KCNQ5: variants seen among roughly 807,000 people sequenced by gnomAD.
KCNQ5 encodes potassium voltage-gated channel subfamily Q member 5.
In KCNQ5, 30 loss-of-function variants were observed where a neutral mutation model predicts 98.2. The ratio of observed to expected loss-of-function variants is 0.31; its 90% CI spans 0.23 to 0.41. The LOEUF (loss-of-function observed/expected upper bound fraction) is 0.41. Ranked by LOEUF, KCNQ5 falls within the 10% of genes least tolerant of loss-of-function variation. KCNQ5 has a pLI of 1.00. For synonymous variants in KCNQ5, 458 were observed against 449.4 expected (o/e 1.02, Z -0.24); for missense variants, 835 against 1,182.5 (o/e 0.71, Z 4.31).
chr6:73,105,910 G>A (rs1317604140), intron 6 of KCNQ5, among the ~76,000 whole-genome samples: 1 of 152,052 alleles, frequency 6.6e-6, no homozygotes, highest in Non-Finnish European at 1.5e-5. Flanking sequence ...CTGCCCCCAA[G>A]CTTCTGATTA....
chr6:72,832,383 A>G (rs1776315186), intron 1 of KCNQ5, among the ~76,000 whole-genome samples: 1 of 152,118 alleles, frequency 6.6e-6, no homozygotes, highest in South Asian at 2.1e-4. Flanking sequence ...GTAGTTCTCA[A>G]CTGAGGGCAA....
In KCNQ5 at chr6:73,104,040, A is replaced by T. The variant is rs191465293; in HGVS notation, c.919-1217A>T. The stretch of plus-strand genomic sequence containing the variant: ...TATTAATAAATTATTAGTTTGATTT[A>T]AAAAAAACAAGGATGCTCACTTTTG... On this transcript the variant is annotated intron_variant, in intron 5 of 13. Coordinates refer to ENST00000370398, the MANE Select transcript of KCNQ5 (RefSeq NM_019842.4). Among the ~76,000 whole-genome samples the T allele has an allele frequency of 6.1e-3, 930 of 151,932 alleles. 7 individuals carry two copies. The highest frequency in any genetic ancestry group is 0.021 in the African/African-American group (866 of 41,448).
At chr6:73,032,787 CA>C (rs1261138599) in intron 2 of KCNQ5, among the ~76,000 whole-genome samples, 1 of 151,836 alleles carries the variant, frequency 6.6e-6, no homozygotes, top group Non-Finnish European at 1.5e-5. Flanking sequence ...ATAGAAACCT[CA>C]AACCAATTAA....
chr6:72,818,210 G>A (rs990340782), intron 1 of KCNQ5, among the ~76,000 whole-genome samples: 9 of 152,052 alleles, frequency 5.9e-5, no homozygotes, highest in African/African-American at 2.2e-4. Flanking sequence ...GTGAAGAAAG[G>A]CTGATTAATA....
chr6:72,838,463 C>G (rs536693393), intron 1 of KCNQ5, among the ~76,000 whole-genome samples: 2 of 152,090 alleles, frequency 1.3e-5, no homozygotes, highest in Non-Finnish European at 2.9e-5. Flanking sequence ...AACAACACTG[C>G]TCTCAAATTA....
chr6:73,164,492 ATCCTCTG>A (rs1365448308), intron 10 of KCNQ5, among the ~76,000 whole-genome samples: 42 of 152,228 alleles, frequency 2.8e-4, no homozygotes, highest in African/African-American at 9.4e-4. Flanking sequence ...ACCGACTCTC[ATCCTCTG>A]TCCAGCCCTG....
intron 1 of KCNQ5, among the ~76,000 whole-genome samples, chr6:72,709,840 C>G (rs1769273495): frequency 6.6e-6 from 1 of 152,012 alleles, no homozygotes; most frequent in Admixed American, 6.6e-5. Context: ...TTGAGCGCTC[C>G]CTGTGTTATG....
chr6:72,654,606 T>A (rs1433854314), intron 1 of KCNQ5, among the ~76,000 whole-genome samples: 1 of 152,022 alleles, frequency 6.6e-6, no homozygotes, highest in African/African-American at 2.4e-5. Context: ...TGAAGACATA[T>A]CAAGAGAGTG....
In KCNQ5 at chr6:72,908,718, A is replaced by G. The variant is rs142072691; in HGVS notation, c.399-95190A>G. 6.9e-3 allele frequency among the ~76,000 whole-genome samples: 1,046 copies of G among 152,288 alleles called. 9 individuals carry two copies. Among genetic ancestry groups the G allele is most frequent in the African/African-American group, 0.022 (927 of 41,588 alleles). On this transcript the variant is annotated intron_variant, in intron 1 of 13. Coordinates refer to ENST00000370398, the MANE Select transcript of KCNQ5 (RefSeq NM_019842.4). ...AAGCCATAGTGAATTATTCAACACC[A>G]GGATATCAAAGAAATGGAGGAAGTA...
rs902995973 is a variant in KCNQ5 at position 73,198,631 on chromosome 6, C to T, written c.*3217C>T. 2 of 152,180 alleles carry T rather than the reference C, an allele frequency of 1.3e-5. No individual in the cohort carries two copies. Among genetic ancestry groups the T allele is most frequent in the Non-Finnish European group, 2.9e-5 (2 of 68,026 alleles). 9.4% of individuals were successfully genotyped at this position (152,180 alleles called of 1,614,324 possible). On this transcript the variant is annotated 3_prime_UTR_variant, in exon 14 of 14. Transcript: ENST00000370398. ...AGCTGAGATTTTTCGCCTTAAATGA[C>T]ATGGTTGTGTTTTTGTAAGAGAAAC...
intron 2 of KCNQ5, among the ~76,000 whole-genome samples, chr6:73,014,245 T>C (rs1241655926): frequency 6.6e-6 from 1 of 152,122 alleles, no homozygotes; most frequent in Non-Finnish European, 1.5e-5. Flanking sequence ...AATTTTAAAG[T>C]ATTTATTTTA....
intron 1 of KCNQ5, among the ~76,000 whole-genome samples, chr6:72,959,147 A>G (rs895284256): frequency 6.6e-6 from 1 of 152,228 alleles, no homozygotes; most frequent in Non-Finnish European, 1.5e-5. Context: ...GTTATGAGGC[A>G]GAATATGCAT....
At chr6:73,082,215 G>A (rs896495678) in intron 5 of KCNQ5, among the ~76,000 whole-genome samples, 6 of 152,168 alleles carry the variant, frequency 3.9e-5, no homozygotes, top group Non-Finnish European at 7.3e-5. Context: ...TTGTTACCCT[G>A]CAGCCTGAAA....
intron 3 of KCNQ5, among the ~76,000 whole-genome samples, chr6:73,046,606 TTATTC>T (rs1177947578): frequency 1.3e-4 from 18 of 140,042 alleles, no homozygotes; most frequent in African/African-American, 4.9e-4. Context: ...TTACTTTATT[TTATTC>T]TATTTTATTT....
At chr6:72,738,387 A>G (rs1486025508) in intron 1 of KCNQ5, among the ~76,000 whole-genome samples, 1 of 152,046 alleles carries the variant, frequency 6.6e-6, no homozygotes, top group Non-Finnish European at 1.5e-5. Flanking sequence ...GTAAAAAAAA[A>G]TTATTCTCTA....
At chr6:72,698,136 G>A (rs1768598127) in intron 1 of KCNQ5, among the ~76,000 whole-genome samples, 1 of 152,094 alleles carries the variant, frequency 6.6e-6, no homozygotes, top group Admixed American at 6.5e-5. Flanking sequence ...AGTAGCTTCA[G>A]AATAAAGTTA....
At position 73,053,808 on chromosome 6, in the gene KCNQ5, G is replaced by A. The variant is rs187980232; in HGVS notation, c.616+11746G>A. ...TAGAGGAAATAGAGAAACAAGAGCA[G>A]ATCGACCCCAAAGCTAGTAGAACAC... is the stretch of plus-strand genomic sequence containing the variant. On this transcript the variant is annotated intron_variant, in intron 3 of 13. Coordinates refer to ENST00000370398, the MANE Select transcript of KCNQ5 (RefSeq NM_019842.4). Among the ~76,000 whole-genome samples, 1,061 of 152,142 alleles carry A rather than the reference G, an allele frequency of 7.0e-3. 9 individuals carry two copies. Among genetic ancestry groups the A allele is most frequent in the Admixed American group, 0.012 (190 of 15,286 alleles).
chr6:72,987,303 A>G (rs890847520), intron 1 of KCNQ5: 11 of 699,794 alleles, frequency 1.6e-5, no homozygotes, highest in Admixed American at 5.3e-5. Context: ...GTTGGAAAAG[A>G]AAGGCAACAT....
At chr6:72,905,840 G>C (rs1436286849) in intron 1 of KCNQ5, among the ~76,000 whole-genome samples, 1 of 152,166 alleles carries the variant, frequency 6.6e-6, no homozygotes, top group Non-Finnish European at 1.5e-5. Flanking sequence ...TCTTAACTTT[G>C]GTGGTTTAAT....
Sources: allele counts gnomAD v4.1 joint callset (sites outside exome capture counted in the v4.1 genomes callset), GRCh38; gene constraint gnomAD v4.1.1; transcripts MANE v1.5; gene names NCBI Gene and HGNC (gene_info 2026-07-23, HGNC 2026-07-21).